Variants in HPSE2 observed in about 807,000 individuals in gnomAD.
HPSE2 encodes the protein heparanase 2 (inactive).
HPSE2 carries 38 observed loss-of-function variants against 60.5 expected under a neutral mutation model. That is an observed-to-expected ratio of 0.63 (90% CI 0.48 to 0.82). HPSE2 has a LOEUF of 0.82. HPSE2 is among the 40% of genes least tolerant of loss of function. HPSE2 has a pLI of 0.00. For missense variants in HPSE2, 713 were observed against 740.4 expected (o/e 0.96, Z 0.43); for synonymous variants, 295 against 293.2 (o/e 1.01, Z -0.06).
chr10:98,699,327 C>T (rs1189105748), intron 5 of HPSE2, among the ~76,000 whole-genome samples: 5 of 150,296 alleles, frequency 3.3e-5, no homozygotes, highest in Non-Finnish European at 5.9e-5. Context: ...GGATGCAAGG[C>T]TGGTTCAATA....
intron 3 of HPSE2, among the ~76,000 whole-genome samples, chr10:99,093,872 T>C (rs888937369): frequency 6.8e-6 from 1 of 146,678 alleles, no homozygotes; most frequent in Admixed American, 7.1e-5. Context: ...TGTCCATCTC[T>C]AGATAATCAC....
intron 2 of HPSE2, among the ~76,000 whole-genome samples, chr10:99,166,135 A>G (rs1010556129): frequency 2.5e-5 from 1 of 40,772 alleles, no homozygotes; most frequent in African/African-American, 4.3e-5. Context: ...TTGTGAATCA[A>G]TAGTTAATTC....
chr10:98,633,740 T>G (rs1016251584), intron 7 of HPSE2, among the ~76,000 whole-genome samples: 4 of 151,986 alleles, frequency 2.6e-5, no homozygotes, highest in African/African-American at 9.7e-5. Flanking sequence ...TGCAAGGGAG[T>G]CAGCGCCTCT....
At chr10:99,062,791 T>G (rs1842490557) in intron 3 of HPSE2, among the ~76,000 whole-genome samples, 1 of 152,294 alleles carries the variant, frequency 6.6e-6, no homozygotes, top group Non-Finnish European at 1.5e-5. Context: ...GTGTCAAATG[T>G]AAGCCAAAGA....
chr10:98,742,219 TC>T (rs1490274063), intron 4 of HPSE2, among the ~76,000 whole-genome samples: 5 of 151,938 alleles, frequency 3.3e-5, no homozygotes, highest in Admixed American at 3.3e-4. Flanking sequence ...CAACTAACTA[TC>T]CCCAAATTTC....
intron 8 of HPSE2, among the ~76,000 whole-genome samples, chr10:98,616,772 C>T (rs997347277): frequency 6.6e-6 from 1 of 152,140 alleles, no homozygotes; most frequent in African/African-American, 2.4e-5. Flanking sequence ...CAAATTGGAA[C>T]ATTGTGACCC....
At chr10:98,628,289 A>G (rs979068257) in intron 7 of HPSE2, among the ~76,000 whole-genome samples, 29 of 152,188 alleles carry the variant, frequency 1.9e-4, no homozygotes, top group Non-Finnish European at 4.4e-5. Flanking sequence ...GGAAATCAGC[A>G]TGGGCAGAAG....
At chr10:99,248,186 C>T in the HPSE2 span, among the ~76,000 whole-genome samples, 5 of 152,074 alleles carry the variant, frequency 3.3e-5, no homozygotes, top group Admixed American at 6.5e-5. Flanking sequence ...CAGAAGCAGA[C>T]AGGAAGATGA....
intron 3 of HPSE2, among the ~76,000 whole-genome samples, chr10:98,848,798 T>C (rs575280916): frequency 1.3e-5 from 2 of 152,172 alleles, no homozygotes; most frequent in Non-Finnish European, 2.9e-5. Flanking sequence ...AAGTACCACA[T>C]GCAGGGAAGA....
chr10:98,990,382 A>T (rs1348440090), intron 3 of HPSE2, among the ~76,000 whole-genome samples: 2 of 152,178 alleles, frequency 1.3e-5, no homozygotes, highest in Non-Finnish European at 2.9e-5. Context: ...GCAGTTCACA[A>T]TAGGGTTTGT....
At chr10:98,840,056 T>C (rs1240578297) in intron 3 of HPSE2, among the ~76,000 whole-genome samples, 1 of 152,242 alleles carries the variant, frequency 6.6e-6, no homozygotes, top group Non-Finnish European at 1.5e-5. Context: ...AGAAATTCAG[T>C]GACTTGTCCA....
rs887963290 is a variant in HPSE2 at position 98,749,925 on chromosome 10, A to C, written c.611-5869T>G. ...TTTATATATTTTATATATATATATT[A>C]AACACTATATATATATATATATACA... On this transcript the variant is annotated intron_variant, in intron 3 of 11. Transcript: ENST00000370552. Among the ~76,000 whole-genome samples the C allele has an allele frequency of 4.7e-3, 102 of 21,620 alleles. 2 individuals carry two copies. Among genetic ancestry groups the C allele is most frequent in the African/African-American group, 8.8e-3 (98 of 11,152 alleles). The allele number at this position is 21,620 out of a possible 152,430, so 14.2% of individuals were successfully genotyped here. A position where few individuals can be genotyped will look rare whatever the true frequency, so the allele number is the denominator to read the frequency against.
intron 6 of HPSE2, among the ~76,000 whole-genome samples, chr10:98,678,385 T>A (rs1338107530): frequency 6.6e-6 from 1 of 152,200 alleles, no homozygotes; most frequent in Non-Finnish European, 1.5e-5. Flanking sequence ...CAAGCTTTAA[T>A]GCACATCAGA....
intron 3 of HPSE2, among the ~76,000 whole-genome samples, chr10:98,978,484 C>T (rs899500357): frequency 6.6e-6 from 1 of 152,008 alleles, no homozygotes; most frequent in African/African-American, 2.4e-5. Flanking sequence ...ACAACAATAA[C>T]AACAAAACCC....
chr10:98,909,919 T>C (rs1953933362), intron 3 of HPSE2, among the ~76,000 whole-genome samples: 1 of 152,078 alleles, frequency 6.6e-6, no homozygotes, highest in Admixed American at 6.5e-5. Context: ...AAAACCAAGA[T>C]TAAAAGTTGT....
At chr10:99,051,238 G>A (rs59042800) in intron 3 of HPSE2, among the ~76,000 whole-genome samples, 2,184 of 152,176 alleles carry the variant, frequency 0.014, 48 homozygotes, top group African/African-American at 0.049. Context: ...AGCCGAGATC[G>A]CGCCACTGCA....
At chr10:99,041,653 C>T (rs1029309197) in intron 3 of HPSE2, among the ~76,000 whole-genome samples, 3 of 152,162 alleles carry the variant, frequency 2.0e-5, no homozygotes, top group Non-Finnish European at 2.9e-5. Context: ...GGGTAGGGGC[C>T]GCATCCATAG....
intron 3 of HPSE2, among the ~76,000 whole-genome samples, chr10:98,777,816 AT>A (rs1950374560): frequency 6.6e-6 from 1 of 152,138 alleles, no homozygotes; most frequent in Non-Finnish European, 1.5e-5. Context: ...CTACAGCCAC[AT>A]TTAACTACTT....
intron 3 of HPSE2, among the ~76,000 whole-genome samples, chr10:98,862,006 T>C (rs963439239): frequency 5.3e-5 from 8 of 152,212 alleles, no homozygotes; most frequent in African/African-American, 1.9e-4. Context: ...GAAAAATCCA[T>C]GTTTGGACTG....
Sources: allele counts gnomAD v4.1 joint callset (sites outside exome capture counted in the v4.1 genomes callset), GRCh38; gene constraint gnomAD v4.1.1; transcripts MANE v1.5; gene names NCBI Gene and HGNC (gene_info 2026-07-23, HGNC 2026-07-21).